ARHGAP25: variants seen among roughly 807,000 people sequenced by gnomAD.
The protein encoded by ARHGAP25 is rho GTPase-activating protein 25.
In ARHGAP25, 34 loss-of-function variants were observed where a neutral mutation model predicts 71.0. The ratio of observed to expected loss-of-function variants is 0.48; its 90% confidence interval spans 0.36 to 0.64. The LOEUF (loss-of-function observed/expected upper bound fraction) is 0.64, where lower values mean the gene tolerates loss of function less well. Among genes scored for constraint, ARHGAP25 ranks in the 30% least tolerant of loss-of-function variants. ARHGAP25 has a pLI of 0.00. For missense variants in ARHGAP25, 706 were observed against 805.1 expected (o/e 0.88, Z 1.49); for synonymous variants, 282 against 296.5 (o/e 0.95, Z 0.50).
chr2:68,714,305 G>A (rs1440962497), intron 2 of ARHGAP25, among the ~76,000 whole-genome samples: 2 of 152,116 alleles, frequency 1.3e-5, no homozygotes, highest in Non-Finnish European at 1.5e-5. Context: ...ATGGTAGTTT[G>A]TATTTCTGTG....
intron 2 of ARHGAP25, 42 bp downstream of exon 2, chr2:68,775,462 A>G: frequency 1.2e-6 from 2 of 1,612,582 alleles, no homozygotes; most frequent in Middle Eastern, 1.7e-4. Context: ...GGCACGGAGG[A>G]GGCGGGCCTG....
At chr2:68,746,711 C>CA (rs1361621146) in intron 1 of ARHGAP25, among the ~76,000 whole-genome samples, 1 of 143,848 alleles carries the variant, frequency 7.0e-6, no homozygotes, top group Non-Finnish European at 1.5e-5. Context: ...CCACCCCCCT[C>CA]CCCATCCCCA....
intron 1 of ARHGAP25, among the ~76,000 whole-genome samples, chr2:68,751,811 G>A (rs1357211887): frequency 1.3e-5 from 2 of 152,182 alleles, no homozygotes; most frequent in African/African-American, 2.4e-5. Context: ...ATCCAAGAGC[G>A]ACAGCTAACC....
intron 5 of ARHGAP25, among the ~76,000 whole-genome samples, chr2:68,808,342 A>G (rs1364896533): frequency 1.3e-5 from 2 of 152,194 alleles, no homozygotes; most frequent in Non-Finnish European, 2.9e-5. Context: ...ATTTTGGACA[A>G]TGGGGTTGGG....
At chr2:68,778,443 C>G (rs777042617) in intron 2 of ARHGAP25, among the ~76,000 whole-genome samples, 2 of 151,960 alleles carry the variant, frequency 1.3e-5, no homozygotes, top group Non-Finnish European at 2.9e-5. Context: ...TCTCTGAATA[C>G]TGGGGTTACA....
At chr2:68,768,146 G>A (rs1677245392) in intron 1 of ARHGAP25, among the ~76,000 whole-genome samples, 1 of 152,194 alleles carries the variant, frequency 6.6e-6, no homozygotes. Flanking sequence ...GTGAGCTTTG[G>A]TTCCTGGTCT....
chr2:68,739,451 G>A (rs1458376337), intron 1 of ARHGAP25, among the ~76,000 whole-genome samples: 1 of 152,188 alleles, frequency 6.6e-6, no homozygotes, highest in Non-Finnish European at 1.5e-5. Context: ...TCCACCAGCT[G>A]GAATGTGATC....
At chr2:68,728,427 G>T (rs1429321657) in intron 2 of ARHGAP25, among the ~76,000 whole-genome samples, 2 of 152,070 alleles carry the variant, frequency 1.3e-5, no homozygotes, top group Non-Finnish European at 2.9e-5. Context: ...CATTTTGGTG[G>T]TTCCTCAAAA....
At chr2:68,805,131 C>CA (rs1175968246) in intron 4 of ARHGAP25, among the ~76,000 whole-genome samples, 1 of 152,094 alleles carries the variant, frequency 6.6e-6, no homozygotes, top group African/African-American at 2.4e-5. Context: ...CCTCCTGGTG[C>CA]AGCCAGGGAA....
At chr2:68,794,177 T>TG (rs1410160149) in intron 4 of ARHGAP25, among the ~76,000 whole-genome samples, 1 of 152,106 alleles carries the variant, frequency 6.6e-6, no homozygotes, top group African/African-American at 2.4e-5. Flanking sequence ...GGTGGAGTCT[T>TG]TAGGTTTTTC....
At chr2:68,717,966 T>C (rs1674658410) in intron 2 of ARHGAP25, among the ~76,000 whole-genome samples, 2 of 152,202 alleles carry the variant, frequency 1.3e-5, no homozygotes, top group African/African-American at 4.8e-5. Flanking sequence ...ATAATTAGAA[T>C]AGTAAGTACG....
In ARHGAP25 at chr2:68,822,461, C is replaced by G. The variant is rs1558666861; in HGVS notation, c.1322C>G (p.Thr441Ser). The stretch of plus-strand genomic sequence containing the variant: ...TGGAAAATGCAATCTCGTAAAAGGA[C>G]TCAAACACTCCCTAACCGGAAATGT... Reference protein sequence around the residue: ...GDWKMQSRKRTQTLPNRKCFL... With the variant: ...GDWKMQSRKRSQTLPNRKCFL... Residue 441 changes from threonine (T) to serine (S), a missense_variant, in exon 10 of 11, where the codon ACT becomes AGT. Coordinates refer to ENST00000409202, the MANE Select transcript of ARHGAP25 (RefSeq NM_001007231.3). 6.8e-6 allele frequency: 11 copies of G among 1,614,112 alleles called. No homozygotes were observed. The highest frequency in any genetic ancestry group is 8.5e-6 in the Non-Finnish European group (10 of 1,180,046).
At chr2:68,731,342 A>G (rs1440868174), upstream of ARHGAP25, among the ~76,000 whole-genome samples, 2 of 152,032 alleles carry the variant, frequency 1.3e-5, no homozygotes, top group African/African-American at 4.8e-5. Context: ...TTTCTGCTGT[A>G]ATAATTCTCC....
intron 4 of ARHGAP25, among the ~76,000 whole-genome samples, chr2:68,806,542 T>C (rs1177157360): frequency 2.0e-5 from 3 of 152,184 alleles, no homozygotes; most frequent in African/African-American, 7.2e-5. Flanking sequence ...TAAGTATAAC[T>C]GAGACAACTA....
At chr2:68,749,051 G>A (rs1460754155) in intron 1 of ARHGAP25, among the ~76,000 whole-genome samples, 2 of 152,054 alleles carry the variant, frequency 1.3e-5, no homozygotes, top group African/African-American at 4.8e-5. Context: ...AAGAAAGAAA[G>A]ACAGAGAAGC....
intron 4 of ARHGAP25, among the ~76,000 whole-genome samples, chr2:68,802,135 C>T (rs751343304): frequency 7.9e-5 from 12 of 152,066 alleles, no homozygotes; most frequent in Middle Eastern, 3.2e-3. Flanking sequence ...CTAGGCCGGG[C>T]GCGGTGGCTC....
chr2:68,734,327 A>G (rs1203454692), upstream of ARHGAP25, among the ~76,000 whole-genome samples: 1 of 152,220 alleles, frequency 6.6e-6, no homozygotes, highest in Non-Finnish European at 1.5e-5. Flanking sequence ...CACCCTGTGT[A>G]CAATGCCAAA....
upstream of ARHGAP25, among the ~76,000 whole-genome samples, chr2:68,732,023 A>G (rs150137235): frequency 5.7e-4 from 87 of 152,348 alleles, no homozygotes; most frequent in African/African-American, 2.0e-3. Flanking sequence ...TCCGCTTATC[A>G]TTCAACAAGC....
chr2:68,810,173 G>C (rs552589111), intron 5 of ARHGAP25, among the ~76,000 whole-genome samples: 6 of 150,444 alleles, frequency 4.0e-5, no homozygotes, highest in African/African-American at 1.5e-4. Flanking sequence ...GCTCTATTGG[G>C]TTAGAGGAAC....
Sources: gnomAD v4.1 joint callset for allele counts (sites outside exome capture counted in the v4.1 genomes callset) on GRCh38, gnomAD v4.1.1 for gene constraint, MANE v1.5 for transcripts, NCBI Gene and HGNC (gene_info 2026-07-23, HGNC 2026-07-21) for gene names.